The following UPF3B variants were observed in gnomAD, a reference collection of about 807,000 sequenced individuals.
UPF3B encodes regulator of nonsense transcripts 3B.
UPF3B carries 7 observed loss-of-function variants against 40.3 expected under a neutral mutation model. The observed-to-expected ratio is 0.17, with a 90% CI of 0.10 to 0.33. UPF3B has a LOEUF of 0.33. Among genes scored for constraint, UPF3B ranks in the 10% least tolerant of loss-of-function variants. UPF3B has a pLI of 1.00. For synonymous variants in UPF3B, 117 were observed against 117.3 expected, an observed-to-expected ratio of 1.00 and a Z score of 0.01; for missense variants, 229 against 358.9, an observed-to-expected ratio of 0.64 and a Z score of 2.93.
At chrX:119,809,559 A>G (rs767119104) in intron 5 of UPF3B, among the ~76,000 whole-genome samples, 16 of 111,301 alleles carry the variant, frequency 1.4e-4, no homozygotes, top group Non-Finnish European at 2.3e-4. Flanking sequence ...CGTCTCTACT[A>G]AAAAACAGAA....
chrX:119,840,464 T>G (rs1170181381), intron 8 of UPF3B, 182 bp downstream of exon 8: 6 of 400,556 alleles, frequency 1.5e-5, no homozygotes, highest in Admixed American at 1.3e-4. Context: ...GGAAGTCACC[T>G]GGGCTTCCTT....
At chrX:119,845,020 A>C (rs1253175415) in intron 4 of UPF3B, among the ~76,000 whole-genome samples, 178 bp downstream of exon 4, 1 of 112,691 alleles carries the variant, frequency 8.9e-6, no homozygotes, top group Non-Finnish European at 1.9e-5. Flanking sequence ...GATTCTGTGC[A>C]AGAAACTCTC....
intron 3 of UPF3B, among the ~76,000 whole-genome samples, chrX:119,828,072 G>A (rs190467962): frequency 5.0e-4 from 52 of 104,280 alleles, no homozygotes; most frequent in African/African-American, 1.7e-3. Context: ...TTCTTTTTTC[G>A]AGCCGGAGTC....
At chrX:119,841,712 A>C in intron 6 of UPF3B, 23 bp downstream of exon 6, 1 of 1,188,620 alleles carries the variant, frequency 8.4e-7, no homozygotes, top group Non-Finnish European at 1.1e-6. Context: ...GTATTGAGAG[A>C]ACTATAAAGA....
chrX:119,843,329 A>C (rs1352031953), intron 4 of UPF3B, 28 bp from the exon 5 acceptor site: 2 of 969,794 alleles, frequency 2.1e-6, no homozygotes, highest in Non-Finnish European at 3.0e-6. Flanking sequence ...GAAACAGAAA[A>C]TATAATAGAC....
chrX:119,850,105 G>A lies in UPF3B; in HGVS notation c.370+1390C>T, dbSNP rs946314287. Among the ~76,000 whole-genome samples the A allele has an allele frequency of 5.5e-5, 6 of 109,892 alleles. No individual in the cohort carries two copies. In the Admixed American group the frequency reaches 5.9e-4, roughly 11 times the overall value. Reference sequence around the variant, plus strand: ...GAGCCCAGGAGTTCAAGACCAGCCTGGGCAACGTAGTGAGACCCCATCTCT... The same window carrying A: ...GAGCCCAGGAGTTCAAGACCAGCCTAGGCAACGTAGTGAGACCCCATCTCT... On this transcript the variant is annotated intron_variant, in intron 3 of 10. Coordinates refer to ENST00000276201, the MANE Select transcript of UPF3B (RefSeq NM_080632.3).
At chrX:119,845,528 TAAATTC>T (rs1282375201) in intron 3 of UPF3B, among the ~76,000 whole-genome samples, 1 of 112,366 alleles carries the variant, frequency 8.9e-6, no homozygotes, top group Non-Finnish European at 1.9e-5. Flanking sequence ...AATATTCATA[TAAATTC>T]AACTTATAAA....
chrX:119,841,811 T>G, intron 5 of UPF3B, 33 bp from the exon 6 acceptor site: 2 of 1,146,507 alleles, frequency 1.7e-6, no homozygotes, highest in Non-Finnish European at 2.4e-6. Context: ...TTAATCATAC[T>G]TATCAACCCC....
intron 3 of UPF3B, among the ~76,000 whole-genome samples, chrX:119,848,097 C>T (rs1325169266): frequency 3.7e-5 from 4 of 108,445 alleles, no homozygotes; most frequent in Non-Finnish European, 7.6e-5. Context: ...CTGGCCAACA[C>T]AGTGAAACCC....
chrX:119,838,198 C>A, intron 9 of UPF3B, 147 bp from the exon 10 acceptor site: 1 of 934,724 alleles, frequency 1.1e-6, no homozygotes, highest in Non-Finnish European at 1.5e-6. Context: ...AGGAACAAAA[C>A]CCCAAAACCA....
chrX:119,807,027 TAAAAAAAAAAAAAAAAAAA>T (rs1191950024), intron 6 of UPF3B, among the ~76,000 whole-genome samples: 6 of 21,419 alleles, frequency 2.8e-4, no homozygotes, highest in African/African-American at 8.1e-4. Flanking sequence ...AGACCCTGTC[TAAAAAAAAAAAAAAAAAAA>T]AAAAAGAAAA....
chrX:119,843,961 T>C (rs908732831), intron 4 of UPF3B, among the ~76,000 whole-genome samples: 3 of 112,546 alleles, frequency 2.7e-5, no homozygotes, highest in Non-Finnish European at 5.6e-5. Context: ...GTAACAGCTA[T>C]CTAACATAAC....
chrX:119,808,568 C>G (rs2055809125), intron 5 of UPF3B, among the ~76,000 whole-genome samples: 1 of 100,823 alleles, frequency 9.9e-6, no homozygotes, highest in Non-Finnish European at 2.0e-5. Flanking sequence ...GGGCCGGGCA[C>G]ACAGTCAGTG....
intron 5 of UPF3B, among the ~76,000 whole-genome samples, chrX:119,842,275 T>C (rs769666709): frequency 9.0e-6 from 1 of 111,658 alleles, no homozygotes; most frequent in Non-Finnish European, 1.9e-5. Flanking sequence ...CTATTGGCCT[T>C]ACAGCCATCT....
intron 6 of UPF3B, among the ~76,000 whole-genome samples, chrX:119,807,054 A>AAAG (rs2055798851): frequency 1.3e-5 from 1 of 78,902 alleles, no homozygotes; most frequent in African/African-American, 1.0e-4. Flanking sequence ...AAAAAAAAGA[A>AAAG]AAAAAAAAAA....
intron 4 of UPF3B, among the ~76,000 whole-genome samples, chrX:119,820,245 G>C (rs1603366516): frequency 3.6e-5 from 4 of 112,054 alleles, no homozygotes; most frequent in Non-Finnish European, 5.6e-5. Context: ...CCGAGTTGAA[G>C]TGATTCTCCT....
At chrX:119,814,693 C>A (rs1295259428) in intron 5 of UPF3B, among the ~76,000 whole-genome samples, 2 of 111,649 alleles carry the variant, frequency 1.8e-5, no homozygotes, top group African/African-American at 6.5e-5. Context: ...TTTCCCCCTG[C>A]AAATTGCAAT....
intron 5 of UPF3B, among the ~76,000 whole-genome samples, chrX:119,842,684 A>C (rs1242705402): frequency 2.7e-5 from 3 of 109,944 alleles, no homozygotes; most frequent in African/African-American, 9.9e-5. Flanking sequence ...AAACAAAAAA[A>C]CCCCACATAT....
At chrX:119,851,666 T>A (rs5910686) in intron 2 of UPF3B, 65 bp from the exon 3 acceptor site, 10 of 975,147 alleles carry the variant, frequency 1.0e-5, no homozygotes, top group Non-Finnish European at 1.4e-5. Context: ...CAAGTATGCA[T>A]ATATTAAAGA....
Sources: gnomAD v4.1 joint callset for allele counts (sites outside exome capture counted in the v4.1 genomes callset) on GRCh38, gnomAD v4.1.1 for gene constraint, MANE v1.5 for transcripts, NCBI Gene and HGNC (gene_info 2026-07-23, HGNC 2026-07-21) for gene names.